The following PHLDB2 variants were observed in gnomAD, a reference collection of about 807,000 sequenced individuals.
PHLDB2 encodes the protein pleckstrin homology-like domain family B member 2.
A neutral mutation model predicts 123.6 loss-of-function variants in PHLDB2; 71 were observed. The ratio of observed to expected loss-of-function variants is 0.57; its 90% confidence interval spans 0.47 to 0.70. The LOEUF (loss-of-function observed/expected upper bound fraction) is 0.70. Ranked by LOEUF, PHLDB2 falls within the 30% of genes least tolerant of loss-of-function variation. The pLI, the probability that PHLDB2 is intolerant of heterozygous loss-of-function variation, is 0.00. For synonymous variants in PHLDB2, 547 were observed against 541.6 expected (o/e 1.01, Z -0.14); for missense variants, 1,446 against 1,519.5 (o/e 0.95, Z 0.80).
chr3:111,761,121 G>A (rs150658661), intron 1 of PHLDB2, among the ~76,000 whole-genome samples: 2 of 150,398 alleles, frequency 1.3e-5, no homozygotes, highest in Non-Finnish European at 3.0e-5. Flanking sequence ...GGAGGTGGAG[G>A]TTGCAGTGAG....
intron 6 of PHLDB2, among the ~76,000 whole-genome samples, chr3:111,934,661 C>G (rs2069358316): frequency 6.6e-6 from 1 of 152,070 alleles, no homozygotes; most frequent in East Asian, 1.9e-4. Context: ...GGTTTTGTGG[C>G]CTGTGGTTGG....
intron 1 of PHLDB2, among the ~76,000 whole-genome samples, chr3:111,738,991 G>A (rs2059554762): frequency 6.6e-6 from 1 of 152,146 alleles, no homozygotes; most frequent in South Asian, 2.1e-4. Context: ...AGTCACTTCG[G>A]CTTTCGTGGC....
At position 111,859,485 on chromosome 3, in the gene PHLDB2, G is replaced by GGGGGACCCGAC. The variant is rs1421657891; in HGVS notation, c.-101_-91dup. 1.2e-5 allele frequency: 12 copies of GGGGGACCCGAC among 985,422 alleles called. 1 individual carries two copies. The highest frequency in any genetic ancestry group is 1.0e-3 in the Middle Eastern group (2 of 1,936). The allele number at this position is 985,422 out of a possible 1,614,324, so 61.0% of individuals were successfully genotyped here. ...CGCGGAGCCCACCATTGCGGCCCGA[G>GGGGGACCCGAC]GGGGACCCGACGGGGGCCCGACGGT... On this transcript the variant is annotated 5_prime_UTR_variant, in exon 1 of 18. Coordinates refer to ENST00000431670, the MANE Select transcript of PHLDB2 (RefSeq NM_001134438.2).
At chr3:111,736,740 G>T (rs2059514727) in intron 1 of PHLDB2, among the ~76,000 whole-genome samples, 1 of 152,178 alleles carries the variant, frequency 6.6e-6, no homozygotes, top group South Asian at 2.1e-4. Context: ...TCAGGTCAGT[G>T]TGGTAATGCT....
At chr3:111,876,571 T>C (rs1202460195) in intron 1 of PHLDB2, among the ~76,000 whole-genome samples, 1 of 152,194 alleles carries the variant, frequency 6.6e-6, no homozygotes, top group Admixed American at 6.6e-5. Flanking sequence ...AAAATGTATT[T>C]ACTTTTTTTT....
intron 1 of PHLDB2, among the ~76,000 whole-genome samples, chr3:111,860,361 C>G (rs939979507): frequency 6.6e-6 from 1 of 152,206 alleles, no homozygotes; most frequent in Non-Finnish European, 1.5e-5. Context: ...TTTGACCCCC[C>G]ACTGAAAGTT....
At chr3:111,821,775 A>G (rs2062396255) in intron 1 of PHLDB2, among the ~76,000 whole-genome samples, 1 of 152,232 alleles carries the variant, frequency 6.6e-6, no homozygotes, top group Admixed American at 6.5e-5. Context: ...TGAACACAAC[A>G]GCAGGTGATG....
intron 1 of PHLDB2, among the ~76,000 whole-genome samples, chr3:111,879,267 G>A (rs2065816769): frequency 6.6e-6 from 1 of 152,068 alleles, no homozygotes; most frequent in South Asian, 2.1e-4. Context: ...ACCTCTTCTT[G>A]GTTTAGTCTT....
Position 111,974,749 on chromosome 3 carries a change from A to G in PHLDB2, c.*186A>G, listed in dbSNP as rs2072444606. 2 of 465,546 alleles carry G rather than the reference A, an allele frequency of 4.3e-6. No individual in the cohort carries two copies. The highest frequency in any genetic ancestry group is 3.6e-5 in the East Asian group (1 of 27,586). The allele number at this position is 465,546 out of a possible 1,614,324, so 28.8% of individuals were successfully genotyped here. The stretch of plus-strand genomic sequence containing the variant: ...AGAAGGGGTTTTAATACAAACCTTC[A>G]TAATAAATAGCAAAATAATTGAAGC... On this transcript the variant is annotated 3_prime_UTR_variant, in exon 18 of 18. Transcript: ENST00000431670.
At chr3:111,911,747 TTATTAG>T in intron 2 of PHLDB2, 1 of 1,521,018 alleles carries the variant, frequency 6.6e-7, no homozygotes, top group Non-Finnish European at 8.8e-7. Context: ...AGGAACTAGT[TTATTAG>T]TCCTTTTGAT....
chr3:111,885,440 C>T (rs1287576778), intron 2 of PHLDB2, 28 bp downstream of exon 2: 1 of 1,613,034 alleles, frequency 6.2e-7, no homozygotes, highest in African/African-American at 1.3e-5. Flanking sequence ...AGTGATTGAC[C>T]TCACTGTTTC....
rs146545101 is a variant in PHLDB2 at position 111,969,705 on chromosome 3, C to T, written c.3331C>T (p.Arg1111Cys). Residue 1111 changes from arginine (R) to cysteine (C), a missense_variant, in exon 16 of 18, where the codon CGC (arginine) becomes TGC (cysteine). By Grantham distance (180) the Arg-to-Cys change is radical (BLOSUM62 -3). Around this residue, in one of 3 missense-constraint regions of PHLDB2, gnomAD observed 594 missense variants for 646.0 expected, o/e 0.92. Transcript: ENST00000431670. The part of the protein sequence containing the change: ...RQRAQARPLT[R>C]YLPVRKEDFD... ...ACTTTTCCAGGCTCGTCCTTTGACACGCTACCTGCCTGTCCGGAAGGAAGA... is the reference window on the plus strand; with the variant it reads ...ACTTTTCCAGGCTCGTCCTTTGACATGCTACCTGCCTGTCCGGAAGGAAGA... The T allele has an allele frequency of 1.6e-5, 26 of 1,613,826 alleles. No individual in the cohort carries two copies. The African/African-American group carries it at 1.9e-4, about 12-fold the overall frequency.
chr3:111,843,066 A>G (rs1171007169), intron 1 of PHLDB2, among the ~76,000 whole-genome samples: 1 of 152,250 alleles, frequency 6.6e-6, no homozygotes, highest in African/African-American at 2.4e-5. Context: ...GAACATTTAC[A>G]TATGAGTTTT....
At chr3:111,939,349 C>A in intron 6 of PHLDB2, 126 bp from the exon 7 acceptor site, 1 of 978,914 alleles carries the variant, frequency 1.0e-6, no homozygotes, top group Non-Finnish European at 1.5e-6. Flanking sequence ...GTGTTATGTT[C>A]TAACCCTGGT....
chr3:111,732,787 G>A (rs1053288244), intron 1 of PHLDB2: 2 of 1,213,892 alleles, frequency 1.6e-6, no homozygotes, highest in African/African-American at 3.0e-5. Flanking sequence ...GAGTGTTTCT[G>A]AGGAGGGTCT....
intron 1 of PHLDB2, among the ~76,000 whole-genome samples, chr3:111,862,676 A>G (rs1396638271): frequency 6.6e-6 from 1 of 152,184 alleles, no homozygotes; most frequent in Non-Finnish European, 1.5e-5. Context: ...GTGTTAAACA[A>G]GAGACCCTTA....
Position 111,885,394 on chromosome 3 carries a change from G to A in PHLDB2, c.1317G>A (p.Glu439=). ...GGCAGAGGGAGGAAAGACTCAGGGAGCAGGAAATGGAGCGATTGGTAATCT... is the reference window on the plus strand; with the variant it reads ...GGCAGAGGGAGGAAAGACTCAGGGAACAGGAAATGGAGCGATTGGTAATCT... ...HRRQREERLR[E]QEMERLERQR... The change falls in exon 2 of 18, where the codon GAG becomes GAA. Residue 439 remains glutamate, a synonymous_variant. Coordinates refer to ENST00000431670, the MANE Select transcript of PHLDB2 (RefSeq NM_001134438.2). The A allele has an allele frequency of 6.2e-7, 1 of 1,614,134 alleles. No individual in the cohort carries two copies. Among genetic ancestry groups the A allele is most frequent in the Non-Finnish European group, 8.5e-7 (1 of 1,180,032 alleles).
Position 111,746,104 on chromosome 3 carries a change from G to C in PHLDB2, c.-49+13401G>C, listed in dbSNP as rs117720906. Among the ~76,000 whole-genome samples the C allele has an allele frequency of 1.7e-3, 262 of 152,348 alleles. 3 individuals are homozygous for C. In the East Asian group the frequency reaches 0.021, roughly 12 times the overall value. ...GTTGCAGACAGATATATGGGCAAAA[G>C]TTGGATGTGAGGTTTGAAGCAGCTT... On this transcript the variant is annotated intron_variant, in intron 1 of 17. Coordinates refer to the PHLDB2 transcript ENST00000393923.
At chr3:111,760,667 G>A (rs866933850) in intron 1 of PHLDB2, among the ~76,000 whole-genome samples, 12 of 152,052 alleles carry the variant, frequency 7.9e-5, no homozygotes, top group African/African-American at 2.9e-4. Context: ...TTGCTTCTGC[G>A]ATGTGTATAC....
Sources: allele counts gnomAD v4.1 joint callset (sites outside exome capture counted in the v4.1 genomes callset), GRCh38; gene constraint gnomAD v4.1.1; regional missense constraint gnomAD v4.1.1; transcripts MANE v1.5; gene names NCBI Gene and HGNC (gene_info 2026-07-23, HGNC 2026-07-21).